DMTN: variants seen among roughly 807,000 people sequenced by gnomAD.
The protein encoded by DMTN is dematin actin binding protein.
In DMTN, 27 loss-of-function variants were observed where a neutral mutation model predicts 59.4. That is an observed-to-expected ratio of 0.45 (90% CI 0.33 to 0.63). The LOEUF is 0.63. Among genes scored for constraint, DMTN ranks in the 20% least tolerant of loss-of-function variants. DMTN has a pLI of 0.02. For missense variants in DMTN, 451 were observed against 528.9 expected (o/e 0.85, Z 1.45); for synonymous variants, 221 against 203.7 (o/e 1.08, Z -0.72).
chr8:22,055,928 C>A (rs1802363000), upstream of DMTN, among the ~76,000 whole-genome samples: 1 of 152,138 alleles, frequency 6.6e-6, no homozygotes, highest in Non-Finnish European at 1.5e-5. Context: ...GGCAGGGTTG[C>A]CAGGGCAACG....
At chr8:22,071,145 G>A (rs146502309) in intron 8 of DMTN, among the ~76,000 whole-genome samples, 2 of 152,006 alleles carry the variant, frequency 1.3e-5, no homozygotes, top group East Asian at 1.9e-4. Context: ...GCCCCAGGCT[G>A]TAGTGCAGTG....
At chr8:22,055,927 GC>G (rs1464368553), upstream of DMTN, among the ~76,000 whole-genome samples, 10 of 152,202 alleles carry the variant, frequency 6.6e-5, no homozygotes, top group South Asian at 4.1e-4. Flanking sequence ...GGGCAGGGTT[GC>G]CAGGGCAACG....
chr8:22,072,840 G>A (rs532102567), intron 9 of DMTN, among the ~76,000 whole-genome samples: 5 of 151,656 alleles, frequency 3.3e-5, no homozygotes, highest in Non-Finnish European at 5.9e-5. Flanking sequence ...GTTCCTACCC[G>A]AAAAGCATGC....
At chr8:22,079,277 A>ATATATATATATATAT (rs1238511445) in intron 10 of DMTN, among the ~76,000 whole-genome samples, 20 of 27,670 alleles carry the variant, frequency 7.2e-4, no homozygotes, top group African/African-American at 2.1e-3. Flanking sequence ...TAAATAAATA[A>ATATATATATATATAT]ATATATATAT....
At chr8:22,063,554 A>G (rs978609346) in intron 1 of DMTN, among the ~76,000 whole-genome samples, 1 of 151,692 alleles carries the variant, frequency 6.6e-6, no homozygotes, top group African/African-American at 2.4e-5. Context: ...TTTGGCCTCA[A>G]CCTCCTGTCC....
chr8:22,051,141 C>A (rs1382211526), upstream of DMTN, among the ~76,000 whole-genome samples: 1 of 152,162 alleles, frequency 6.6e-6, no homozygotes, highest in Non-Finnish European at 1.5e-5. Context: ...TTGCTAATAG[C>A]CCCTTGCCGT....
At chr8:22,081,092 T>TGGGGGGGCGG in intron 14 of DMTN, 21 bp from the exon 15 acceptor site, 2 of 1,547,316 alleles carry the variant, frequency 1.3e-6, no homozygotes, top group Non-Finnish European at 1.8e-6. Flanking sequence ...AGCCTAAGAT[T>TGGGGGGGCGG]GCCCCTCCCC....
upstream of DMTN, chr8:22,049,247 G>A (rs1801069287): frequency 6.6e-6 from 1 of 150,518 alleles, no homozygotes; most frequent in South Asian, 2.1e-4. Flanking sequence ...GGGGCGGGAA[G>A]CGGGGTTGGG....
chr8:22,079,283 T>A (rs1300811613), intron 10 of DMTN, among the ~76,000 whole-genome samples: 2 of 52,260 alleles, frequency 3.8e-5, no homozygotes, highest in Non-Finnish European at 7.4e-5. Context: ...AATAAATATA[T>A]ATATATATAT....
chr8:22,052,309 A>G (rs1188471957), upstream of DMTN, among the ~76,000 whole-genome samples: 1 of 152,250 alleles, frequency 6.6e-6, no homozygotes, highest in African/African-American at 2.4e-5. Context: ...TGCCCAGCAC[A>G]GTATGTTGCA....
chr8:22,056,053 G>A (rs753175319), upstream of DMTN, among the ~76,000 whole-genome samples: 2 of 152,160 alleles, frequency 1.3e-5, no homozygotes, highest in Non-Finnish European at 2.9e-5. Context: ...CAGGGGGCCC[G>A]AAAGGCCAAT....
At position 22,070,185 on chromosome 8, in the gene DMTN, C is replaced by T. The variant is rs1464049702; in HGVS notation, c.455C>T (p.Ser152Phe). ...KKPPIYKQRE[S>F]VGGSPQTKHL... ...TGACCCTGGCCTTTGTCTGCAGAGT[C>T]CGTGGGAGGCAGCCCTCAGACCAAG... Residue 152 changes from serine (S) to phenylalanine (F), a missense_variant, in exon 8 of 16, where the codon TCC becomes TTC. Coordinates refer to ENST00000358242, the MANE Select transcript of DMTN (RefSeq NM_001387751.1). 1 of 1,587,856 alleles carries T rather than the reference C, an allele frequency of 6.3e-7. No homozygotes were observed. The highest frequency in any genetic ancestry group is 8.6e-7 in the Non-Finnish European group (1 of 1,165,838).
At chr8:22,059,686 C>T (rs768896851) in intron 1 of DMTN, among the ~76,000 whole-genome samples, 1 of 152,114 alleles carries the variant, frequency 6.6e-6, no homozygotes, top group Non-Finnish European at 1.5e-5. Context: ...AGGAGAATGT[C>T]GTTTTGTGTG....
chr8:22,076,080 G>A (rs1054094905), intron 10 of DMTN, among the ~76,000 whole-genome samples: 1 of 152,194 alleles, frequency 6.6e-6, no homozygotes, highest in African/African-American at 2.4e-5. Context: ...TGTCTTGGGT[G>A]CTGGGTGATG....
intron 1 of DMTN, chr8:22,059,482 G>A (rs1804740252): frequency 6.6e-6 from 1 of 152,240 alleles, no homozygotes; most frequent in African/African-American, 2.4e-5. Flanking sequence ...ACTCTGGGTG[G>A]CTCCACTGTC....
Position 22,070,274 on chromosome 8 carries a change from A to G in DMTN, c.544A>G (p.Asn182Asp). 1.2e-6 allele frequency: 2 copies of G among 1,613,584 alleles called. No homozygotes were observed. Among genetic ancestry groups the G allele is most frequent in the Non-Finnish European group, 8.5e-7 (1 of 1,179,764 alleles). Residue 182 changes from asparagine to aspartate, a missense_variant, in exon 8 of 16, where the codon AAC becomes GAC. Coordinates refer to ENST00000358242, the MANE Select transcript of DMTN (RefSeq NM_001387751.1). ...TCCTGCAGCCCAGCCCCCAGACCCC[A>G]ACCAGCCAGCCAAAATCGAAACCGA... ...KFPAAQPPDP[N>D]QPAKIETDYW...
At chr8:22,081,265 G>C (rs1824110328) in intron 15 of DMTN, 72 bp downstream of exon 15, 1 of 1,604,046 alleles carries the variant, frequency 6.2e-7, no homozygotes, top group African/African-American at 1.3e-5. Context: ...GGAAGATCTG[G>C]GGCCTCTATG....
At position 22,073,743 on chromosome 8, in the gene DMTN, TG is replaced by T. The variant is rs1817653514; in HGVS notation, c.746del (p.Gly249GlufsTer3). 1 of 1,612,944 alleles carries T rather than the reference TG, an allele frequency of 6.2e-7. No individual in the cohort carries two copies. Among genetic ancestry groups the T allele is most frequent in the Non-Finnish European group, 8.5e-7 (1 of 1,179,534 alleles). On this transcript the variant is annotated frameshift_variant, in exon 10 of 16. Coordinates refer to ENST00000358242, the MANE Select transcript of DMTN (RefSeq NM_001387751.1). LOFTEE classifies it high-confidence loss of function. ...CTCCCTCCTCAGGTTACTTCCAACTTGGGAAAGATGATCTTGAAAGAAGAGA... is the reference window on the plus strand; with the variant it reads ...CTCCCTCCTCAGGTTACTTCCAACTTGGAAAGATGATCTTGAAAGAAGAGA... Reference protein sequence around the residue: ...REELSKVTSNLGKMILKEEME... With the variant: ...REELSKVTSNXGKMILKEEME...
chr8:22,076,037 G>A (rs539453906), intron 10 of DMTN, among the ~76,000 whole-genome samples: 2 of 152,320 alleles, frequency 1.3e-5, no homozygotes, highest in South Asian at 2.1e-4. Flanking sequence ...CTGATTGGAC[G>A]TGGGAGGTGC....
Sources: gnomAD v4.1 joint callset for allele counts (sites outside exome capture counted in the v4.1 genomes callset) on GRCh38, gnomAD v4.1.1 for gene constraint, MANE v1.5 for transcripts, NCBI Gene and HGNC (gene_info 2026-07-23, HGNC 2026-07-21) for gene names.